NUP133: variants seen among roughly 807,000 people sequenced by gnomAD.
The protein encoded by NUP133 is nuclear pore complex protein Nup133.
A neutral mutation model predicts 146.2 loss-of-function variants in NUP133; 66 were observed. That is an observed-to-expected ratio of 0.45 (90% confidence interval 0.37 to 0.55). NUP133 has a LOEUF of 0.55. Among genes scored for constraint, NUP133 ranks in the 20% least tolerant of loss-of-function variants. NUP133 has a pLI of 0.00. For synonymous variants in NUP133, 521 were observed against 498.8 expected (o/e 1.04, Z -0.59); for missense variants, 1,277 against 1,374.8 (o/e 0.93, Z 1.12).
chr1:229,505,442 G>T (rs1208714849), intron 2 of NUP133, among the ~76,000 whole-genome samples: 5 of 151,702 alleles, frequency 3.3e-5, no homozygotes, highest in Admixed American at 6.6e-5. Flanking sequence ...GATCCTGGAA[G>T]ATATCCCCCA....
intron 9 of NUP133, among the ~76,000 whole-genome samples, chr1:229,488,583 A>G (rs1661420065): frequency 2.0e-5 from 3 of 152,172 alleles, no homozygotes; most frequent in Admixed American, 1.3e-4. Flanking sequence ...TAATCAGAAC[A>G]CATGATAAAG....
intron 23 of NUP133, 141 bp downstream of exon 23, chr1:229,450,384 C>T: frequency 2.2e-6 from 1 of 446,614 alleles, no homozygotes; most frequent in South Asian, 4.7e-5. Context: ...GAGTTGTTTA[C>T]ATTCTAAGGA....
intron 2 of NUP133, among the ~76,000 whole-genome samples, chr1:229,503,034 G>A (rs773205445): frequency 1.4e-4 from 22 of 152,004 alleles, no homozygotes; most frequent in African/African-American, 3.4e-4. Flanking sequence ...TTGGGAGGCC[G>A]AGGTGGGTGG....
intron 18 of NUP133, among the ~76,000 whole-genome samples, chr1:229,464,318 A>G (rs570074214): frequency 1.3e-3 from 192 of 152,200 alleles, no homozygotes; most frequent in Non-Finnish European, 1.2e-3. Flanking sequence ...AGCAGCCCTC[A>G]CCAGGCTCTA....
chr1:229,502,558 CAAA>C (rs58520087), intron 2 of NUP133, among the ~76,000 whole-genome samples: 2 of 43,112 alleles, frequency 4.6e-5, no homozygotes, highest in African/African-American at 9.5e-5. Context: ...GACTCCATCT[CAAA>C]AAAAAAAAAA....
chr1:229,445,788 C>T (rs1010882630), intron 24 of NUP133, among the ~76,000 whole-genome samples: 1 of 152,180 alleles, frequency 6.6e-6, no homozygotes, highest in Non-Finnish European at 1.5e-5. Flanking sequence ...TGGGACCAAA[C>T]AATCAAGTAG....
At chr1:229,449,473 T>A (rs558524425) in intron 23 of NUP133, among the ~76,000 whole-genome samples, 1 of 151,060 alleles carries the variant, frequency 6.6e-6, no homozygotes, top group East Asian at 2.0e-4. Flanking sequence ...GTTCAAGCAA[T>A]TCCCCTACCT....
At chr1:229,482,696 G>A (rs577350025) in intron 12 of NUP133, among the ~76,000 whole-genome samples, 10 of 152,234 alleles carry the variant, frequency 6.6e-5, no homozygotes, top group East Asian at 1.9e-4. Flanking sequence ...CACCCCATAC[G>A]CGCATCTGCT....
At chr1:229,475,486 G>A in intron 14 of NUP133, 152 bp downstream of exon 14, 1 of 566,056 alleles carries the variant, frequency 1.8e-6, no homozygotes, top group Non-Finnish European at 3.2e-6. Flanking sequence ...ACACAGCCCT[G>A]GAATTACGGA....
At position 229,463,770 on chromosome 1, in the gene NUP133, T is replaced by C. The variant is rs184121973; in HGVS notation, c.2552-94A>G. On this transcript the variant is annotated intron_variant, in intron 18 of 25. Coordinates refer to ENST00000261396, the MANE Select transcript of NUP133 (RefSeq NM_018230.3). ...ACTTGAAATTTTATCTTTATTCCTA[T>C]TATAAACCAACAATCATTAATGGAA... 7.7e-6 allele frequency: 10 copies of C among 1,299,432 alleles called. No individual in the cohort carries two copies. The East Asian group carries it at 2.1e-4, about 27-fold the overall frequency. 80.5% of individuals were successfully genotyped at this position (1,299,432 alleles called of 1,614,324 possible).
Position 229,475,665 on chromosome 1 carries a change from G to A in NUP133, c.1824C>T (p.His608=). 1 of 1,614,070 alleles carries A rather than the reference G, an allele frequency of 6.2e-7. No homozygotes were observed. Among genetic ancestry groups the A allele is most frequent in the Non-Finnish European group, 8.5e-7 (1 of 1,179,892 alleles). ...GATGAATAAAGTCCATAAGAAAAGAGTGAGCTTTCATCTTGTCTTCTAGCT... is the reference window on the plus strand; with the variant it reads ...GATGAATAAAGTCCATAAGAAAAGAATGAGCTTTCATCTTGTCTTCTAGCT... ...LHQLEDKMKA[H]SFLMDFIHQV... Residue 608 remains histidine (H), a synonymous_variant, in exon 14 of 26, where the codon CAC becomes CAT. Transcript: ENST00000261396.
At chr1:229,506,923 A>G (rs569237063) in intron 1 of NUP133, among the ~76,000 whole-genome samples, 1 of 152,102 alleles carries the variant, frequency 6.6e-6, no homozygotes, top group Admixed American at 6.6e-5. Context: ...CAGATATCAC[A>G]GTAAAAACTT....
chr1:229,501,864 T>C (rs1027067280), intron 3 of NUP133, 135 bp downstream of exon 3: 3 of 630,966 alleles, frequency 4.8e-6, no homozygotes, highest in South Asian at 4.1e-5. Flanking sequence ...CACATCACTA[T>C]GAAAATGCAA....
chr1:229,485,284 G>A (rs1468559212), intron 11 of NUP133, among the ~76,000 whole-genome samples: 1 of 152,206 alleles, frequency 6.6e-6, no homozygotes, highest in Non-Finnish European at 1.5e-5. Flanking sequence ...TATGCATGGT[G>A]CAGAGGACAG....
intron 13 of NUP133, among the ~76,000 whole-genome samples, chr1:229,476,759 A>T (rs1316547622): frequency 6.6e-6 from 1 of 152,036 alleles, no homozygotes; most frequent in African/African-American, 2.4e-5. Flanking sequence ...CTACATCTCT[A>T]CTAAAAATAC....
chr1:229,465,199 C>T (rs1001396001), intron 17 of NUP133, among the ~76,000 whole-genome samples: 1 of 152,088 alleles, frequency 6.6e-6, no homozygotes, highest in Admixed American at 6.6e-5. Flanking sequence ...TGAACTAAAA[C>T]CTAGTAAATG....
chr1:229,497,615 C>T (rs751254215), intron 6 of NUP133, among the ~76,000 whole-genome samples: 3 of 152,096 alleles, frequency 2.0e-5, no homozygotes, highest in Admixed American at 6.5e-5. Flanking sequence ...TGTAAACTGG[C>T]GGGAAAGCAT....
rs1457286198 is a variant in NUP133 at position 229,470,699 on chromosome 1, G to A, written c.1957C>T (p.Leu653Phe). ...HAEKLSAAIV[L>F]KNHHSRLSDL... Reference sequence around the variant, plus strand: ...GAAAGCCGGGAGTGGTGGTTCTTGAGAACAATGGCGGCTGACAGCTTTTCG... The same window carrying A: ...GAAAGCCGGGAGTGGTGGTTCTTGAAAACAATGGCGGCTGACAGCTTTTCG... The change falls in exon 15 of 26, where the codon CTC (leucine) becomes TTC (phenylalanine). Residue 653 changes from leucine (L) to phenylalanine (F), a missense_variant. Coordinates refer to ENST00000261396, the MANE Select transcript of NUP133 (RefSeq NM_018230.3). The A allele has an allele frequency of 6.2e-7, 1 of 1,614,090 alleles. No individual in the cohort carries two copies. Among genetic ancestry groups the A allele is most frequent in the Non-Finnish European group, 8.5e-7 (1 of 1,180,040 alleles).
chr1:229,494,493 T>C (rs1468078270), intron 8 of NUP133, among the ~76,000 whole-genome samples: 1 of 152,210 alleles, frequency 6.6e-6, no homozygotes, highest in Non-Finnish European at 1.5e-5. Flanking sequence ...AAAATAGTCT[T>C]TAACTTCTGA....
Sources: allele counts gnomAD v4.1 joint callset (sites outside exome capture counted in the v4.1 genomes callset), GRCh38; gene constraint gnomAD v4.1.1; transcripts MANE v1.5; gene names NCBI Gene and HGNC (gene_info 2026-07-23, HGNC 2026-07-21).